TEKT5: variants seen among roughly 807,000 people sequenced by gnomAD.
TEKT5 encodes the protein tektin 5.
In TEKT5, 52 loss-of-function variants were observed where a neutral mutation model predicts 48.7. The observed-to-expected ratio is 1.07, with a 90% CI of 0.86 to 1.35. TEKT5 has a LOEUF of 1.35. Among genes scored for constraint, TEKT5 ranks in the 40% most tolerant of loss-of-function variants. The pLI, the probability that TEKT5 is intolerant of heterozygous loss-of-function variation, is 0.00. For synonymous variants in TEKT5, 318 were observed against 267.6 expected, an observed-to-expected ratio of 1.19 and a Z score of -1.84; for missense variants, 831 against 641.6, an observed-to-expected ratio of 1.30 and a Z score of -3.19.
intron 4 of TEKT5, among the ~76,000 whole-genome samples, chr16:10,676,794 C>A (rs550017444): frequency 5.9e-5 from 9 of 152,322 alleles, no homozygotes; most frequent in African/African-American, 2.2e-4. Flanking sequence ...TGAACAAGAA[C>A]GGCAACATCC....
At chr16:10,646,567 G>A (rs918968197) in intron 5 of TEKT5, among the ~76,000 whole-genome samples, 2 of 152,082 alleles carry the variant, frequency 1.3e-5, no homozygotes, top group Admixed American at 6.5e-5. Flanking sequence ...CATAACCTAT[G>A]GGCACCAAGA....
chr16:10,635,705 C>T, intron 6 of TEKT5, 59 bp downstream of exon 6: 8 of 1,578,674 alleles, frequency 5.1e-6, no homozygotes, highest in Non-Finnish European at 5.2e-6. Flanking sequence ...TGAGACTCAC[C>T]CCTTCCCGTT....
intron 4 of TEKT5, among the ~76,000 whole-genome samples, chr16:10,678,617 G>T (rs1898690773): frequency 6.6e-6 from 1 of 152,128 alleles, no homozygotes; most frequent in Admixed American, 6.5e-5. Context: ...TCTTGTTCAA[G>T]GCCGCACAAC....
At position 10,694,332 on chromosome 16, in the gene TEKT5, T is replaced by C. The variant is rs373418548; in HGVS notation, c.542A>G (p.Asn181Ser). The change falls in exon 1 of 7, where the codon AAT becomes AGT. Residue 181 changes from asparagine to serine, a missense_variant. Physicochemically the swap from Asn to Ser is conservative, Grantham distance 46. Transcript: ENST00000283025. ...CACCTGCAATGGGCAGTTCACCTCA[T>C]TGGCCGCGCACTCCAGCCGCCTCTT... is the stretch of plus-strand genomic sequence containing the variant. ...TVKRRLECAA[N>S]EVNCPLQVAL... 3.2e-5 allele frequency: 51 copies of C among 1,604,788 alleles called. No homozygotes were observed. The highest frequency in any genetic ancestry group is 4.0e-5 in the African/African-American group (3 of 74,826).
At chr16:10,644,299 A>G (rs1423659091) in intron 5 of TEKT5, among the ~76,000 whole-genome samples, 1 of 152,198 alleles carries the variant, frequency 6.6e-6, no homozygotes, top group Non-Finnish European at 1.5e-5. Context: ...TGAGGCCCAG[A>G]GAGGAGCTGT....
intron 5 of TEKT5, among the ~76,000 whole-genome samples, chr16:10,667,741 C>T (rs1466096590): frequency 6.6e-6 from 1 of 152,182 alleles, no homozygotes; most frequent in Non-Finnish European, 1.5e-5. Flanking sequence ...TATTTTTCTT[C>T]AAATCAGCCT....
At chr16:10,660,661 CTG>C (rs4028826) in intron 5 of TEKT5, among the ~76,000 whole-genome samples, 3,337 of 144,296 alleles carry the variant, frequency 0.023, 43 homozygotes, top group African/African-American at 0.029. Flanking sequence ...GAGTGCAAGG[CTG>C]TGTGTGTGTG....
intron 5 of TEKT5, among the ~76,000 whole-genome samples, chr16:10,655,207 C>G (rs1384579063): frequency 6.6e-6 from 1 of 152,016 alleles, no homozygotes; most frequent in Non-Finnish European, 1.5e-5. Flanking sequence ...ACTCAAAAGC[C>G]CAATTACATA....
At chr16:10,682,204 C>A (rs1898769105) in intron 3 of TEKT5, 68 bp from the exon 4 acceptor site, 6 of 1,561,316 alleles carry the variant, frequency 3.8e-6, no homozygotes, top group Non-Finnish European at 5.2e-6. Flanking sequence ...GGCCACACAG[C>A]AGGTGTGTGT....
intron 5 of TEKT5, among the ~76,000 whole-genome samples, chr16:10,664,918 C>T (rs1047888702): frequency 6.6e-6 from 1 of 152,190 alleles, no homozygotes; most frequent in Non-Finnish European, 1.5e-5. Flanking sequence ...GTTATTCTCA[C>T]AACTGCTTGT....
chr16:10,688,594 G>C (rs1898907111), intron 3 of TEKT5, among the ~76,000 whole-genome samples: 2 of 152,222 alleles, frequency 1.3e-5, no homozygotes, highest in South Asian at 4.1e-4. Flanking sequence ...AGAGTCAAAG[G>C]TGAGTGCCAG....
chr16:10,630,878 G>A (rs899404970), intron 6 of TEKT5, among the ~76,000 whole-genome samples: 7 of 151,790 alleles, frequency 4.6e-5, no homozygotes, highest in Non-Finnish European at 1.0e-4. Context: ...AAAAAAATTA[G>A]CCAGGTGTCA....
chr16:10,685,796 T>A (rs1344434115), intron 3 of TEKT5, among the ~76,000 whole-genome samples: 1 of 152,128 alleles, frequency 6.6e-6, no homozygotes, highest in Non-Finnish European at 1.5e-5. Context: ...TCTCTGTGTC[T>A]CTCAGTCTCT....
intron 1 of TEKT5, chr16:10,690,871 AATGT>A: frequency 1.2e-6 from 1 of 804,244 alleles, no homozygotes; most frequent in Non-Finnish European, 1.5e-6. Context: ...TCAGGATGCA[AATGT>A]ATGTGAGAAC....
At chr16:10,627,964 C>G (rs1268599424) in intron 6 of TEKT5, among the ~76,000 whole-genome samples, 165 bp from the exon 7 acceptor site, 1 of 152,016 alleles carries the variant, frequency 6.6e-6, no homozygotes, top group African/African-American at 2.4e-5. Context: ...CTCAGCCTCC[C>G]GAGTAGCTGG....
chr16:10,645,710 G>C (rs1012032508), intron 5 of TEKT5, among the ~76,000 whole-genome samples: 1 of 152,312 alleles, frequency 6.6e-6, no homozygotes, highest in Middle Eastern at 3.4e-3. Context: ...GCTGAGACAG[G>C]AAAATCGCTT....
intron 2 of TEKT5, 44 bp downstream of exon 2, chr16:10,689,898 C>T (rs774865795): frequency 6.2e-7 from 1 of 1,602,462 alleles, no homozygotes; most frequent in Non-Finnish European, 8.5e-7. Context: ...TGCTGGCCTT[C>T]CCGCCTCCTT....
chr16:10,660,979 C>T (rs1392998482), intron 5 of TEKT5, among the ~76,000 whole-genome samples: 5 of 152,232 alleles, frequency 3.3e-5, no homozygotes, highest in South Asian at 2.1e-4. Context: ...GGGATACAGA[C>T]GTGAGCCACC....
At chr16:10,628,490 C>T (rs538598170) in intron 6 of TEKT5, among the ~76,000 whole-genome samples, 4 of 152,314 alleles carry the variant, frequency 2.6e-5, no homozygotes, top group Admixed American at 1.3e-4. Flanking sequence ...ATGTTCACGG[C>T]AGCCCTATTC....
Sources: gnomAD v4.1 joint callset for allele counts (sites outside exome capture counted in the v4.1 genomes callset) on GRCh38, gnomAD v4.1.1 for gene constraint, MANE v1.5 for transcripts, NCBI Gene and HGNC (gene_info 2026-07-23, HGNC 2026-07-21) for gene names.